SENP7: variants seen among roughly 807,000 people sequenced by gnomAD.
SENP7 encodes SUMO specific peptidase 7.
Under a neutral mutation model 141.2 loss-of-function variants are expected in SENP7, and 64 were observed. The ratio of observed to expected loss-of-function variants is 0.45; its 90% CI spans 0.37 to 0.56. SENP7 has a LOEUF of 0.56. Among genes scored for constraint, SENP7 ranks in the 20% least tolerant of loss-of-function variants. SENP7 has a pLI of 0.00. For missense variants in SENP7, 1,025 were observed against 1,212.2 expected (o/e 0.85, Z 2.29); for synonymous variants, 382 against 426.4 (o/e 0.90, Z 1.28).
Position 101,337,528 on chromosome 3 carries a change from C to T in SENP7, c.2461G>A (p.Glu821Lys). Reference sequence around the variant, plus strand: ...ACTTACGAAAGATTTGGATTATCTTCTGTTAAATTATTTTCCTTTCTTGTC... The same window carrying T: ...ACTTACGAAAGATTTGGATTATCTTTTGTTAAATTATTTTCCTTTCTTGTC... ...CLTRKENNLTEDNPNLSMAQR... is the reference protein window; with the variant it reads ...CLTRKENNLTKDNPNLSMAQR... The change falls in exon 17 of 24, where the codon GAA becomes AAA. Residue 821 changes from glutamate to lysine, a missense_variant. By Grantham distance (56) the Glu-to-Lys change is moderately conservative. This residue lies in a region of SENP7 where 295 missense variants were observed against 459.1 expected (regional missense o/e 0.64). Coordinates refer to ENST00000394095, the MANE Select transcript of SENP7 (RefSeq NM_020654.5). The T allele has an allele frequency of 6.5e-7, 1 of 1,544,450 alleles. No homozygotes were observed.
At chr3:101,463,398 C>CATATAT (rs1257100584) in intron 3 of SENP7, among the ~76,000 whole-genome samples, 71 of 58,686 alleles carry the variant, frequency 1.2e-3, no homozygotes, top group South Asian at 1.8e-3. Flanking sequence ...TATATATATA[C>CATATAT]ATATATATAT....
At position 101,462,117 on chromosome 3, in the gene SENP7, A is replaced by G. The variant is rs75844140; in HGVS notation, c.187-3065T>C. Among the ~76,000 whole-genome samples the G allele has an allele frequency of 3.2e-4, 48 of 152,364 alleles. 1 individual carries two copies. The East Asian group carries it at 9.1e-3, about 29-fold the overall frequency. ...TAGACAGAGAAAGTGGTTGCACAAC[A>G]CTGTGAGTGAACTAAATGCCACTAA... On this transcript the variant is annotated intron_variant, in intron 3 of 23. Coordinates refer to ENST00000394095, the MANE Select transcript of SENP7 (RefSeq NM_020654.5).
At chr3:101,329,103 G>T (rs2058979150) in intron 20 of SENP7, among the ~76,000 whole-genome samples, 1 of 152,136 alleles carries the variant, frequency 6.6e-6, no homozygotes, top group Non-Finnish European at 1.5e-5. Context: ...AAGGGATAGG[G>T]AATTTTGTTT....
chr3:101,456,951 GTTTTGTTTTGTTTTGT>G (rs1198217458), intron 4 of SENP7, among the ~76,000 whole-genome samples: 1 of 54,482 alleles, frequency 1.8e-5, no homozygotes. Context: ...TTTTTGTTTT[GTTTTGTTTTGTTTTGT>G]TTTGTTTTGT....
chr3:101,512,785 G>C (rs932023480), intron 1 of SENP7, among the ~76,000 whole-genome samples: 5 of 152,208 alleles, frequency 3.3e-5, no homozygotes, highest in Admixed American at 6.5e-5. Flanking sequence ...GCGTGGCAGA[G>C]AGTGACAAGC....
intron 3 of SENP7, among the ~76,000 whole-genome samples, chr3:101,472,466 A>G (rs938247072): frequency 1.3e-5 from 2 of 152,056 alleles, no homozygotes; most frequent in African/African-American, 4.8e-5. Context: ...TCACTTGGAC[A>G]CAGGGCGGGG....
intron 4 of SENP7, among the ~76,000 whole-genome samples, chr3:101,428,636 A>G (rs1214987174): frequency 6.6e-6 from 1 of 152,158 alleles, no homozygotes; most frequent in Non-Finnish European, 1.5e-5. Flanking sequence ...ATTTTCTCCC[A>G]TTCCATAGGT....
At chr3:101,339,131 C>A (rs184009947) in intron 16 of SENP7, among the ~76,000 whole-genome samples, 4 of 152,062 alleles carry the variant, frequency 2.6e-5, no homozygotes, top group Non-Finnish European at 5.9e-5. Context: ...ATAAAAAAGA[C>A]CCACATTTAA....
At chr3:101,406,456 A>T (rs879782139) in intron 5 of SENP7, among the ~76,000 whole-genome samples, 2 of 152,022 alleles carry the variant, frequency 1.3e-5, no homozygotes, top group Non-Finnish European at 2.9e-5. Context: ...GGGGGGAAGG[A>T]TAGCATTAGG....
chr3:101,332,027 G>T lies in SENP7; in HGVS notation c.2656C>A (p.Gln886Lys), dbSNP rs1397798221. The change falls in exon 19 of 24, where the codon CAG (glutamine) becomes AAG (lysine). Residue 886 changes from glutamine to lysine, a missense_variant. Coordinates refer to ENST00000394095, the MANE Select transcript of SENP7 (RefSeq NM_020654.5). ...YEDFPQTVSQ[Q>K]SQAQQSQNDN... Reference sequence around the variant, plus strand: ...TTTTGGGACTGCTGAGCCTGGGACTGCTGGGATACAGTTTGTGGAAAATCT... The same window carrying T: ...TTTTGGGACTGCTGAGCCTGGGACTTCTGGGATACAGTTTGTGGAAAATCT... The T allele has an allele frequency of 6.2e-7, 1 of 1,613,554 alleles. No homozygotes were observed. Among genetic ancestry groups the T allele is most frequent in the East Asian group, 2.2e-5 (1 of 44,800 alleles).
At chr3:101,484,728 A>G (rs1236870851) in intron 3 of SENP7, among the ~76,000 whole-genome samples, 7 of 152,160 alleles carry the variant, frequency 4.6e-5, no homozygotes, top group Admixed American at 6.5e-5. Flanking sequence ...AGGCCCTGGG[A>G]GCTCGCTGCG....
intron 3 of SENP7, among the ~76,000 whole-genome samples, chr3:101,482,315 C>CAAA (rs1426963692): frequency 1.5e-5 from 1 of 65,952 alleles, no homozygotes; most frequent in Non-Finnish European, 3.5e-5. Context: ...TCTGTCTCAA[C>CAAA]AAAAAAAAAA....
Position 101,461,243 on chromosome 3 carries a change from C to T in SENP7, c.187-2191G>A, listed in dbSNP as rs185814930. On this transcript the variant is annotated intron_variant, in intron 3 of 23. Coordinates refer to ENST00000394095, the MANE Select transcript of SENP7 (RefSeq NM_020654.5). ...GGTTTGAATCAATATTGTTTATCTC[C>T]TTCAAGAACAAAAAAAGAAAAATGA... is the stretch of plus-strand genomic sequence containing the variant. Among the ~76,000 whole-genome samples, 36 of 152,076 alleles carry T rather than the reference C, an allele frequency of 2.4e-4. No homozygotes were observed. In the East Asian group the frequency reaches 6.6e-3, roughly 28 times the overall value.
chr3:101,370,197 T>C (rs541512744), intron 7 of SENP7, among the ~76,000 whole-genome samples: 1 of 152,208 alleles, frequency 6.6e-6, no homozygotes, highest in Non-Finnish European at 1.5e-5. Flanking sequence ...CCCTGATGCA[T>C]GTCTAAAATG....
At chr3:101,443,625 T>C (rs1056486942) in intron 4 of SENP7, among the ~76,000 whole-genome samples, 13 of 151,566 alleles carry the variant, frequency 8.6e-5, no homozygotes, top group Admixed American at 2.6e-4. Flanking sequence ...TTTTATTTCA[T>C]TGAGCAGTGG....
chr3:101,341,878 T>G, intron 14 of SENP7, 99 bp from the exon 15 acceptor site: 1 of 1,199,062 alleles, frequency 8.3e-7, no homozygotes, highest in Non-Finnish European at 1.1e-6. Context: ...ACTTTAAAAA[T>G]CCCTATGAAT....
chr3:101,398,123 T>C (rs914100591), intron 6 of SENP7, among the ~76,000 whole-genome samples: 20 of 152,196 alleles, frequency 1.3e-4, no homozygotes, highest in African/African-American at 4.8e-4. Context: ...AACTATTTAC[T>C]GAGCACTAAG....
At chr3:101,492,361 C>T (rs1269564170) in intron 3 of SENP7, among the ~76,000 whole-genome samples, 2 of 151,504 alleles carry the variant, frequency 1.3e-5, no homozygotes, top group African/African-American at 2.4e-5. Context: ...GGTGACAGAG[C>T]AAGACCCTGT....
intron 3 of SENP7, among the ~76,000 whole-genome samples, chr3:101,467,494 C>T (rs1245588105): frequency 6.6e-6 from 1 of 152,206 alleles, no homozygotes; most frequent in Non-Finnish European, 1.5e-5. Context: ...GAGGAAGGAT[C>T]AGGCAGCAAT....
Sources: gnomAD v4.1 joint callset for allele counts (sites outside exome capture counted in the v4.1 genomes callset) on GRCh38, gnomAD v4.1.1 for gene constraint, gnomAD v4.1.1 regional missense constraint, MANE v1.5 for transcripts, NCBI Gene and HGNC (gene_info 2026-07-23, HGNC 2026-07-21) for gene names.